Variants in MBTPS1 observed in about 807,000 individuals in gnomAD.
MBTPS1 encodes membrane bound transcription factor peptidase, site 1.
MBTPS1 carries 94 observed loss-of-function variants against 127.8 expected under a neutral mutation model. The observed-to-expected ratio is 0.74, with a 90% CI of 0.62 to 0.87. The LOEUF (loss-of-function observed/expected upper bound fraction) is 0.87. Among genes scored for constraint, MBTPS1 ranks in the 40% least tolerant of loss-of-function variants. The pLI is 0.00. For synonymous variants in MBTPS1, 632 were observed against 509.4 expected, an observed-to-expected ratio of 1.24 and a Z score of -3.24; for missense variants, 1,636 against 1,353.2, an observed-to-expected ratio of 1.21 and a Z score of -3.28.
chr16:84,114,234 T>G (rs1330449081), intron 1 of MBTPS1, among the ~76,000 whole-genome samples: 1 of 152,068 alleles, frequency 6.6e-6, no homozygotes. Context: ...GTGCTGGGAT[T>G]ACAGGCGTGA....
rs576454883 is a variant in MBTPS1 at position 84,081,987 on chromosome 16, C to T, written c.1287-79G>A. 6.2e-5 allele frequency: 68 copies of T among 1,103,016 alleles called. No homozygotes were observed. In the South Asian group the frequency reaches 1.2e-3, roughly 20 times the overall value. 68.3% of individuals were successfully genotyped at this position (1,103,016 alleles called of 1,614,324 possible). On this transcript the variant is annotated intron_variant, in intron 10 of 22. Coordinates refer to ENST00000343411, the MANE Select transcript of MBTPS1 (RefSeq NM_003791.4). ...GGACCACTAAAACCTAACCTACAAA[C>T]GTGCACACAAGAGGCCTGCAGTCTT...
At chr16:84,067,875 A>G in intron 15 of MBTPS1, 52 bp from the exon 16 acceptor site, 2 of 1,553,226 alleles carry the variant, frequency 1.3e-6, no homozygotes, top group East Asian at 2.3e-5. Context: ...ATGACAGGAC[A>G]CCACCACGGC....
At position 84,093,206 on chromosome 16, in the gene MBTPS1, C is replaced by T. The variant is rs1283631978; in HGVS notation, c.828G>A (p.Arg276=). The T allele has an allele frequency of 4.3e-6, 7 of 1,612,464 alleles. No homozygotes were observed. Among genetic ancestry groups the T allele is most frequent in the Non-Finnish European group, 5.9e-6 (7 of 1,178,634 alleles). The change falls in exon 6 of 23, where the codon AGG becomes AGA. Residue 276 remains arginine, a synonymous_variant. Coordinates refer to ENST00000343411, the MANE Select transcript of MBTPS1 (RefSeq NM_003791.4). ...CACCTACCTGATTATTGGTAAAGAC[C>T]CTGAAAATGTGAAGTTCTGCATCTG... is the stretch of plus-strand genomic sequence containing the variant. ...FAPDAELHIF[R]VFTNNQVSYT...
At chr16:84,115,969 ACTTCT>A (rs2086470113) in intron 1 of MBTPS1, among the ~76,000 whole-genome samples, 1 of 151,906 alleles carries the variant, frequency 6.6e-6, no homozygotes, top group African/African-American at 2.4e-5. Context: ...GAGAGGAATT[ACTTCT>A]CTTCTGCAAG....
chr16:84,072,806 C>T (rs1389780390), intron 12 of MBTPS1, among the ~76,000 whole-genome samples: 1 of 152,104 alleles, frequency 6.6e-6, no homozygotes, highest in East Asian at 1.9e-4. Flanking sequence ...AAAGGCAAAT[C>T]ACCCAGTGAA....
chr16:84,055,026 G>A (rs2085501025), intron 22 of MBTPS1, among the ~76,000 whole-genome samples: 1 of 152,188 alleles, frequency 6.6e-6, no homozygotes, highest in Non-Finnish European at 1.5e-5. Context: ...GGAGAAGGAG[G>A]GGCCTGTGGT....
At chr16:84,069,409 A>T (rs2085737511) in intron 14 of MBTPS1, among the ~76,000 whole-genome samples, 1 of 139,750 alleles carries the variant, frequency 7.2e-6, no homozygotes, top group Non-Finnish European at 1.6e-5. Flanking sequence ...CTTGAGGCAA[A>T]CTGTGTTAGA....
intron 1 of MBTPS1, among the ~76,000 whole-genome samples, chr16:84,106,217 C>T (rs1233515908): frequency 6.6e-6 from 1 of 152,156 alleles, no homozygotes; most frequent in Non-Finnish European, 1.5e-5. Context: ...ATCACTTGAA[C>T]CCAGGAGGCA....
intron 1 of MBTPS1, among the ~76,000 whole-genome samples, chr16:84,105,692 C>A (rs529317033): frequency 6.6e-5 from 10 of 152,094 alleles, no homozygotes; most frequent in Non-Finnish European, 1.0e-4. Flanking sequence ...AAGAGAGGAC[C>A]TCAAGCAGGT....
At chr16:84,087,857 C>G (rs992535811) in intron 8 of MBTPS1, among the ~76,000 whole-genome samples, 2 of 152,158 alleles carry the variant, frequency 1.3e-5, no homozygotes, top group Non-Finnish European at 2.9e-5. Flanking sequence ...CAAATTGTTC[C>G]CAGCACATTC....
intron 9 of MBTPS1, among the ~76,000 whole-genome samples, chr16:84,087,128 G>C (rs964735700): frequency 5.3e-5 from 8 of 152,146 alleles, no homozygotes; most frequent in Admixed American, 6.5e-5. Flanking sequence ...GAATCAGCCG[G>C]TGCTCATCAC....
chr16:84,057,881 C>T (rs2085544125), intron 21 of MBTPS1: 1 of 152,142 alleles, frequency 6.6e-6, no homozygotes, highest in South Asian at 2.1e-4. Flanking sequence ...GGTAGATAGC[C>T]AAGGATAGAA....
chr16:84,114,588 T>C lies in MBTPS1; in HGVS notation c.-325+2147A>G, dbSNP rs550918802. On this transcript the variant is annotated intron_variant, in intron 1 of 22. Coordinates refer to ENST00000343411, the MANE Select transcript of MBTPS1 (RefSeq NM_003791.4). Reference sequence around the variant, plus strand: ...GCTCACGCCTGTAATCCCAGCACTTTGGGAGGCCGACGCGGGCGGATCATG... The same window carrying C: ...GCTCACGCCTGTAATCCCAGCACTTCGGGAGGCCGACGCGGGCGGATCATG... 5.3e-5 allele frequency among the ~76,000 whole-genome samples: 8 copies of C among 151,658 alleles called. No homozygotes were observed. The South Asian group carries it at 1.5e-3, about 28-fold the overall frequency.
At chr16:84,076,248 A>G (rs1021249932) in intron 11 of MBTPS1, among the ~76,000 whole-genome samples, 7 of 151,282 alleles carry the variant, frequency 4.6e-5, no homozygotes, top group Non-Finnish European at 1.0e-4. Flanking sequence ...AACGCTCAGA[A>G]AAACAGCACT....
chr16:84,066,534 T>C lies in MBTPS1; in HGVS notation c.2308A>G (p.Ser770Gly), dbSNP rs2085685702. The C allele has an allele frequency of 6.2e-7, 1 of 1,614,194 alleles. No individual in the cohort carries two copies. Among genetic ancestry groups the C allele is most frequent in the East Asian group, 2.2e-5 (1 of 44,890 alleles). ...AACTCCCCTTCATACAGGCCATCGC[T>C]GAACCCCATGTTCCACACAGACAGC... Reference protein sequence around the residue: ...ELLSVWNMGFSDGLYEGEFTL... With the variant: ...ELLSVWNMGFGDGLYEGEFTL... The change falls in exon 17 of 23, where the codon AGC (serine) becomes GGC (glycine). Residue 770 changes from serine (S) to glycine (G), a missense_variant. Ser to Gly is a moderately conservative substitution (Grantham distance 56). Coordinates refer to ENST00000343411, the MANE Select transcript of MBTPS1 (RefSeq NM_003791.4).
chr16:84,056,950 G>T (rs1357956359), intron 21 of MBTPS1: 2 of 152,236 alleles, frequency 1.3e-5, no homozygotes, highest in Non-Finnish European at 2.9e-5. Flanking sequence ...CTTAAGTGAG[G>T]GGGAAGAATA....
chr16:84,098,315 G>C (rs1040710283), intron 3 of MBTPS1, among the ~76,000 whole-genome samples: 1 of 152,142 alleles, frequency 6.6e-6, no homozygotes, highest in East Asian at 1.9e-4. Context: ...TTGCAAGAGT[G>C]CCTTTAAAAA....
At chr16:84,084,911 C>G in intron 10 of MBTPS1, 72 bp downstream of exon 10, 2 of 1,524,402 alleles carry the variant, frequency 1.3e-6, no homozygotes, top group Non-Finnish European at 8.9e-7. Flanking sequence ...CAAGACACGA[C>G]TCCTGCTCTG....
Position 84,063,251 on chromosome 16 carries a change from G to A in MBTPS1, c.2572+54C>T, listed in dbSNP as rs573201668. On this transcript the variant is annotated intron_variant, in intron 19 of 22. Transcript: ENST00000343411. ...TCACGGGCGCCTTTCCAGAGACAAA[G>A]GGAAGAAAGGATCTGAGTGCCGAAG... 1.8e-5 allele frequency: 29 copies of A among 1,578,828 alleles called. No individual in the cohort carries two copies. The East Asian group carries it at 5.7e-4, about 31-fold the overall frequency.
Sources: gnomAD v4.1 joint callset for allele counts (sites outside exome capture counted in the v4.1 genomes callset) on GRCh38, gnomAD v4.1.1 for gene constraint, MANE v1.5 for transcripts, NCBI Gene and HGNC (gene_info 2026-07-23, HGNC 2026-07-21) for gene names.